SLCO6A1: variants seen among roughly 807,000 people sequenced by gnomAD.
SLCO6A1 encodes the protein solute carrier organic anion transporter family member 6A1.
A neutral mutation model predicts 72.7 loss-of-function variants in SLCO6A1; 65 were observed. That is an observed-to-expected ratio of 0.89 (90% CI 0.73 to 1.10). The LOEUF (loss-of-function observed/expected upper bound fraction) is 1.10. Ranked by LOEUF, SLCO6A1 falls within the 50% of genes least tolerant of loss-of-function variation. SLCO6A1 has a pLI of 0.00. For synonymous variants in SLCO6A1, 314 were observed against 298.2 expected (o/e 1.05, Z -0.55); for missense variants, 874 against 872.6 (o/e 1.00, Z -0.02).
chr5:102,464,194 T>TA (rs957163166), intron 4 of SLCO6A1, among the ~76,000 whole-genome samples: 6 of 151,486 alleles, frequency 4.0e-5, no homozygotes, highest in African/African-American at 1.5e-4. Flanking sequence ...ACTATCGAAA[T>TA]AAAAAAACAG....
At chr5:102,387,175 A>T (rs1746463300) in intron 12 of SLCO6A1, among the ~76,000 whole-genome samples, 1 of 152,118 alleles carries the variant, frequency 6.6e-6, no homozygotes, top group South Asian at 2.1e-4. Flanking sequence ...GGGCCTCAGA[A>T]TGTATATTTT....
intron 1 of SLCO6A1, 79 bp downstream of exon 1, chr5:102,498,408 C>T: frequency 7.1e-7 from 1 of 1,398,970 alleles, no homozygotes; most frequent in African/African-American, 1.5e-5. Flanking sequence ...AGGGCGTCCT[C>T]CGCCATACTC....
intron 12 of SLCO6A1, among the ~76,000 whole-genome samples, chr5:102,377,124 A>G (rs1745842760): frequency 6.6e-6 from 1 of 152,154 alleles, no homozygotes; most frequent in African/African-American, 2.4e-5. Flanking sequence ...TGATCTCTCC[A>G]CTTCACTCCA....
chr5:102,494,163 G>A (rs1030070969), intron 1 of SLCO6A1, among the ~76,000 whole-genome samples: 32 of 152,168 alleles, frequency 2.1e-4, no homozygotes, highest in Middle Eastern at 3.4e-3. Flanking sequence ...AAAGTATCAA[G>A]ATAATTCAAT....
intron 4 of SLCO6A1, among the ~76,000 whole-genome samples, chr5:102,473,745 A>ACATAT (rs1433474771): frequency 6.6e-6 from 1 of 152,008 alleles, no homozygotes; most frequent in African/African-American, 2.4e-5. Flanking sequence ...CATACACATA[A>ACATAT]CATATGTGTA....
chr5:102,410,205 G>T, intron 9 of SLCO6A1, among the ~76,000 whole-genome samples: 1 of 152,234 alleles, frequency 6.6e-6, no homozygotes, highest in Non-Finnish European at 1.5e-5. Context: ...CCAGTGTTCA[G>T]CTCTCAGCAG....
At chr5:102,409,571 TAAA>T (rs894253159) in intron 9 of SLCO6A1, among the ~76,000 whole-genome samples, 1 of 152,188 alleles carries the variant, frequency 6.6e-6, no homozygotes, top group African/African-American at 2.4e-5. Flanking sequence ...CACATTTTAC[TAAA>T]AGCTTCTACT....
In SLCO6A1 at chr5:102,480,221, G is replaced by A. The variant is rs1752118537; in HGVS notation, c.572C>T (p.Pro191Leu). Residue 191 changes from proline to leucine, a missense_variant, in exon 2 of 14, where the codon CCA (proline) becomes CTA (leucine). Coordinates refer to ENST00000506729, the MANE Select transcript of SLCO6A1 (RefSeq NM_173488.5). ...TTGTTTATTTTCTTCATTAATGGATGGAAAAGCACATAAAAGTGATCCAAG... is the reference window on the plus strand; with the variant it reads ...TTGTTTATTTTCTTCATTAATGGATAGAAAAGCACATAAAAGTGATCCAAG... Reference protein sequence around the residue: ...IGLGSLLCAFPSINEENKQSK... With the variant: ...IGLGSLLCAFLSINEENKQSK... 1 of 1,611,406 alleles carries A rather than the reference G, an allele frequency of 6.2e-7. No homozygotes were observed. The highest frequency in any genetic ancestry group is 1.7e-5 in the Admixed American group (1 of 59,730).
In SLCO6A1 at chr5:102,426,340, G is replaced by A. The variant is rs183315663; in HGVS notation, c.1277-6319C>T. Among the ~76,000 whole-genome samples, 318 of 152,208 alleles carry A rather than the reference G, an allele frequency of 2.1e-3. 3 individuals carry two copies. The highest frequency in any genetic ancestry group is 7.3e-3 in the African/African-American group (302 of 41,552). On this transcript the variant is annotated intron_variant, in intron 7 of 13. Coordinates refer to ENST00000506729, the MANE Select transcript of SLCO6A1 (RefSeq NM_173488.5). ...CATCAGAGTGAATGGGCAACCTACAGAATGGGAGAAAATTTTTGAAATCTA... is the reference window on the plus strand; with the variant it reads ...CATCAGAGTGAATGGGCAACCTACAAAATGGGAGAAAATTTTTGAAATCTA...
chr5:102,400,903 T>G (rs1303868295), intron 9 of SLCO6A1, among the ~76,000 whole-genome samples: 3 of 152,008 alleles, frequency 2.0e-5, no homozygotes, highest in Non-Finnish European at 4.4e-5. Context: ...CAATCTAGGT[T>G]TTGGGAAAAC....
intron 6 of SLCO6A1, among the ~76,000 whole-genome samples, chr5:102,456,779 G>C (rs1457294066): frequency 6.6e-6 from 1 of 151,636 alleles, no homozygotes; most frequent in Non-Finnish European, 1.5e-5. Flanking sequence ...AACCAAAAAA[G>C]AGCCCTCATT....
At chr5:102,476,462 C>T (rs916007472) in intron 3 of SLCO6A1, among the ~76,000 whole-genome samples, 4 of 152,080 alleles carry the variant, frequency 2.6e-5, no homozygotes, top group African/African-American at 9.7e-5. Flanking sequence ...TGAGGCTCAT[C>T]CACATTATGA....
chr5:102,421,561 G>T (rs6878326), intron 7 of SLCO6A1, among the ~76,000 whole-genome samples: 96,739 of 151,890 alleles, frequency 0.64, 30,990 homozygotes, highest in African/African-American at 0.66. Context: ...TAGCCAGACT[G>T]CCTCTCTTGA....
intron 10 of SLCO6A1, among the ~76,000 whole-genome samples, chr5:102,393,956 C>T (rs1457508305): frequency 6.6e-6 from 1 of 152,152 alleles, no homozygotes; most frequent in African/African-American, 2.4e-5. Context: ...TTTTGTCATT[C>T]TTAGCCCCAT....
chr5:102,459,760 C>G lies in SLCO6A1; in HGVS notation c.917G>C (p.Gly306Ala). 6.3e-7 allele frequency: 1 copy of G among 1,590,648 alleles called. No homozygotes were observed. The highest frequency in any genetic ancestry group is 1.2e-5 in the South Asian group (1 of 86,614). Residue 306 changes from glycine (G) to alanine (A), a missense_variant, in exon 5 of 14, where the codon GGT (glycine) becomes GCT (alanine). Coordinates refer to ENST00000506729, the MANE Select transcript of SLCO6A1 (RefSeq NM_173488.5). ...CCAAGTCCATAGCCATTCTGGACTA[C>G]CATTATTGACTGTAGTGCTTTAATA... Reference protein sequence around the residue: ...TSATNTTVNNGSPEWLWTWWI... With the variant: ...TSATNTTVNNASPEWLWTWWI...
intron 12 of SLCO6A1, among the ~76,000 whole-genome samples, chr5:102,380,216 A>G (rs1052438202): frequency 6.6e-6 from 1 of 151,890 alleles, no homozygotes; most frequent in Non-Finnish European, 1.5e-5. Flanking sequence ...TTATATTTCA[A>G]TAAAAATTCT....
chr5:102,494,336 G>A (rs551447846), intron 1 of SLCO6A1, among the ~76,000 whole-genome samples: 1 of 152,024 alleles, frequency 6.6e-6, no homozygotes, highest in African/African-American at 2.4e-5. Flanking sequence ...TAGAAGAAAA[G>A]CAAAGTAGAA....
intron 7 of SLCO6A1, among the ~76,000 whole-genome samples, chr5:102,428,354 T>G (rs1319461907): frequency 6.6e-6 from 1 of 152,092 alleles, no homozygotes; most frequent in African/African-American, 2.4e-5. Context: ...ATGAAAAATT[T>G]ACATAATTAA....
intron 4 of SLCO6A1, among the ~76,000 whole-genome samples, chr5:102,470,140 C>T (rs1480266831): frequency 6.6e-6 from 1 of 152,002 alleles, no homozygotes; most frequent in Non-Finnish European, 1.5e-5. Flanking sequence ...TGTGTCTCTG[C>T]CAGGCTTTGG....
Sources: allele counts gnomAD v4.1 joint callset (sites outside exome capture counted in the v4.1 genomes callset), GRCh38; gene constraint gnomAD v4.1.1; transcripts MANE v1.5; gene names NCBI Gene and HGNC (gene_info 2026-07-23, HGNC 2026-07-21).